Variants in NCAPD3 observed in about 807,000 individuals in gnomAD.
NCAPD3 encodes the protein non-SMC condensin II complex subunit D3, also known as condensin-2 complex subunit D3.
In NCAPD3, 105 loss-of-function variants were observed where a neutral mutation model predicts 182.9. That is an observed-to-expected ratio of 0.57 (90% CI 0.49 to 0.68). The LOEUF is 0.68. Ranked by LOEUF, NCAPD3 falls within the 30% of genes least tolerant of loss-of-function variation. The pLI, the probability that NCAPD3 is intolerant of heterozygous loss-of-function variation, is 0.00. For missense variants in NCAPD3, 1,944 were observed against 1,837.0 expected (o/e 1.06, Z -1.07); for synonymous variants, 815 against 679.9 (o/e 1.20, Z -3.09).
At chr11:134,182,292 T>TG (rs1944314649) in intron 19 of NCAPD3, among the ~76,000 whole-genome samples, 1 of 152,250 alleles carries the variant, frequency 6.6e-6, no homozygotes, top group Admixed American at 6.5e-5. Flanking sequence ...GGACATGCTC[T>TG]GGGGCAAGCC....
chr11:134,208,616 A>AT (rs1223161052), intron 7 of NCAPD3, among the ~76,000 whole-genome samples: 3 of 152,186 alleles, frequency 2.0e-5, no homozygotes, highest in African/African-American at 4.8e-5. Flanking sequence ...CAGCAGAACC[A>AT]TTTTTTCTAA....
chr11:134,197,900 T>C (rs1330006197), intron 13 of NCAPD3, among the ~76,000 whole-genome samples: 1 of 152,154 alleles, frequency 6.6e-6, no homozygotes, highest in African/African-American at 2.4e-5. Flanking sequence ...ATGAAAGTCA[T>C]ACTAAAAACC....
Position 134,159,917 on chromosome 11 carries a change from C to T in NCAPD3, c.3842G>A (p.Gly1281Asp), listed in dbSNP as rs997117122. The T allele has an allele frequency of 1.9e-6, 3 of 1,613,464 alleles. No individual in the cohort carries two copies. Among genetic ancestry groups the T allele is most frequent in the Non-Finnish European group, 1.7e-6 (2 of 1,179,988 alleles). ...CTGTGCCACAGGTGCCACCTCAGCA[C>T]CTCCAGCCGTCCCGGCCACATCTGC... ...KHADVAGTAG[G>D]AEVAPVAQVA... The change falls in exon 29 of 35, where the codon GGT becomes GAT. Residue 1281 changes from glycine to aspartate, a missense_variant. Physicochemically the swap from Gly to Asp is moderately conservative, Grantham distance 94. This residue lies in a region of NCAPD3 where 1,803 missense variants were observed against 1,674.6 expected (regional missense o/e 1.08). Transcript: ENST00000534548.
intron 30 of NCAPD3, 103 bp downstream of exon 30, chr11:134,158,226 C>A (rs1943481331): frequency 2.6e-6 from 4 of 1,542,176 alleles, no homozygotes; most frequent in East Asian, 2.3e-5. Context: ...GCAGGCCAGA[C>A]AATGACAATG....
chr11:134,176,730 C>T (rs1187118458), intron 23 of NCAPD3, among the ~76,000 whole-genome samples: 1 of 152,218 alleles, frequency 6.6e-6, no homozygotes, highest in Non-Finnish European at 1.5e-5. Context: ...ATAGGCCAAA[C>T]ATGGGCTCTC....
chr11:134,202,053 C>G (rs60360721), intron 13 of NCAPD3, among the ~76,000 whole-genome samples: 1 of 152,206 alleles, frequency 6.6e-6, no homozygotes, highest in African/African-American at 2.4e-5. Flanking sequence ...ACCTGTCTCT[C>G]CACTGATCCT....
At chr11:134,158,913 G>C (rs892250204) in intron 29 of NCAPD3, among the ~76,000 whole-genome samples, 5 of 152,256 alleles carry the variant, frequency 3.3e-5, no homozygotes, top group Non-Finnish European at 7.3e-5. Context: ...ATATGAATGA[G>C]AACATACAAT....
At position 134,204,139 on chromosome 11, in the gene NCAPD3, T is replaced by G; in HGVS notation, c.1122A>C (p.Ala374=). 1 of 1,614,044 alleles carries G rather than the reference T, an allele frequency of 6.2e-7. No individual in the cohort carries two copies. Among genetic ancestry groups the G allele is most frequent in the Non-Finnish European group, 8.5e-7 (1 of 1,179,992 alleles). ...VVDKSEYRTF[A]AQSLVQLLSK... ...TGAGCAGCTGGACTAGGGACTGGGCTGCAAAAGTACGATACTCTGATTTAT... is the reference window on the plus strand; with the variant it reads ...TGAGCAGCTGGACTAGGGACTGGGCGGCAAAAGTACGATACTCTGATTTAT... Residue 374 remains alanine (A), a synonymous_variant, in exon 10 of 35, where the codon GCA becomes GCC. Coordinates refer to ENST00000534548, the MANE Select transcript of NCAPD3 (RefSeq NM_015261.3). This position sits in a 1 kb window ranked among gnomAD's most constrained non-coding sequence, Gnocchi z 4.3.
At position 134,152,880 on chromosome 11, in the gene NCAPD3, C is replaced by T. The variant is rs1454292864; in HGVS notation, c.*64G>A. On this transcript the variant is annotated 3_prime_UTR_variant, in exon 35 of 35. Coordinates refer to ENST00000534548, the MANE Select transcript of NCAPD3 (RefSeq NM_015261.3). ...GGGAAGTGATCCAGCTGCCTTCACACGGAGGACACGAGACTGCTTCCTCAA... is the reference window on the plus strand; with the variant it reads ...GGGAAGTGATCCAGCTGCCTTCACATGGAGGACACGAGACTGCTTCCTCAA... 18 of 1,302,886 alleles carry T rather than the reference C, an allele frequency of 1.4e-5. No homozygotes were observed. Among genetic ancestry groups the T allele is most frequent in the East Asian group, 2.3e-5 (1 of 42,898 alleles). The allele number at this position is 1,302,886 out of a possible 1,614,324, so 80.7% of individuals were successfully genotyped here.
At position 134,203,212 on chromosome 11, in the gene NCAPD3, G is replaced by A. The variant is rs1440949699; in HGVS notation, c.1469-14C>T. 3.2e-6 allele frequency: 5 copies of A among 1,564,626 alleles called. No individual in the cohort carries two copies. The South Asian group carries it at 4.5e-5, about 14-fold the overall frequency. On this transcript the variant is annotated splice_polypyrimidine_tract_variant and intron_variant, in intron 11 of 34. Coordinates refer to ENST00000534548, the MANE Select transcript of NCAPD3 (RefSeq NM_015261.3). ...AAAACGTAGGACCTAAAAACAAGAA[G>A]AAAGATAAGAAGGAAGAAGTCAGTA...
intron 24 of NCAPD3, among the ~76,000 whole-genome samples, chr11:134,169,850 T>A (rs1045356500): frequency 1.3e-5 from 2 of 152,230 alleles, no homozygotes; most frequent in African/African-American, 4.8e-5. Context: ...GGTGCAGGAC[T>A]CACTGTGATA....
chr11:134,220,758 C>G (rs745638039), intron 1 of NCAPD3, 32 bp from the exon 2 acceptor site: 2 of 1,580,516 alleles, frequency 1.3e-6, no homozygotes, highest in African/African-American at 2.7e-5. Flanking sequence ...TGTGTAAGTA[C>G]TCTGTAACAA....
intron 19 of NCAPD3, among the ~76,000 whole-genome samples, chr11:134,181,760 C>A (rs138874694): frequency 6.6e-6 from 1 of 152,310 alleles, no homozygotes; most frequent in East Asian, 1.9e-4. Context: ...TCTTGGACCT[C>A]ATTTTCTGTA....
At chr11:134,187,855 C>T (rs1237415713) in intron 16 of NCAPD3, among the ~76,000 whole-genome samples, 1 of 152,186 alleles carries the variant, frequency 6.6e-6, no homozygotes, top group Non-Finnish European at 1.5e-5. Flanking sequence ...AGAACCAGTC[C>T]TGGAAAATGA....
In NCAPD3 at chr11:134,223,260, G is replaced by A; in HGVS notation, c.64+603C>T. On this transcript the variant is annotated intron_variant, in intron 1 of 34. Transcript: ENST00000534548. ...ATCAGAAAGCAGCTAAAATACTCCTGCAATTGCTCGAGGCTATGATGAAGG... is the reference window on the plus strand; with the variant it reads ...ATCAGAAAGCAGCTAAAATACTCCTACAATTGCTCGAGGCTATGATGAAGG... 3 of 591,146 alleles carry A rather than the reference G, an allele frequency of 5.1e-6. No homozygotes were observed. The East Asian group carries it at 8.3e-5, about 16-fold the overall frequency. 36.6% of individuals were successfully genotyped at this position (591,146 alleles called of 1,614,324 possible).
intron 27 of NCAPD3, among the ~76,000 whole-genome samples, chr11:134,164,938 G>C (rs1021983295): frequency 2.0e-5 from 3 of 149,778 alleles, no homozygotes; most frequent in Non-Finnish European, 4.4e-5. Flanking sequence ...CTTAGGGGGA[G>C]GGGCACACTC....
rs372818194 is a variant in NCAPD3 at position 134,153,356 on chromosome 11, G to T, written c.4260C>A (p.Ile1420=). 15 of 1,614,036 alleles carry T rather than the reference G, an allele frequency of 9.3e-6. No homozygotes were observed. Among genetic ancestry groups the T allele is most frequent in the Non-Finnish European group, 1.2e-5 (14 of 1,180,024 alleles). Reference sequence around the variant, plus strand: ...CCCCTGCTCCAAACGTGACATCACTGATGCTCTCTGCATAAAGAGGAGACA... The same window carrying T: ...CCCCTGCTCCAAACGTGACATCACTTATGCTCTCTGCATAAAGAGGAGACA... ...KRAISTPEKS[I]SDVTFGAGVS... is the part of the protein sequence containing the mutation. Residue 1420 remains isoleucine (I), a synonymous_variant, in exon 33 of 35, where the codon ATC becomes ATA. Coordinates refer to ENST00000534548, the MANE Select transcript of NCAPD3 (RefSeq NM_015261.3).
At chr11:134,177,524 C>A in intron 22 of NCAPD3, 67 bp from the exon 23 acceptor site, 1 of 1,400,090 alleles carries the variant, frequency 7.1e-7, no homozygotes, top group Non-Finnish European at 1.0e-6. Context: ...TAAATTTTCT[C>A]CAGATACATC....
At chr11:134,161,206 T>C (rs118169488) in intron 28 of NCAPD3, among the ~76,000 whole-genome samples, 1 of 152,278 alleles carries the variant, frequency 6.6e-6, no homozygotes, top group Non-Finnish European at 1.5e-5. Flanking sequence ...ATGTTGCATT[T>C]ATTTCTTAGT....
Sources: allele counts gnomAD v4.1 joint callset (sites outside exome capture counted in the v4.1 genomes callset), GRCh38; gene constraint gnomAD v4.1.1; regional missense constraint gnomAD v4.1.1; non-coding constraint Gnocchi (gnomAD v3.1); transcripts MANE v1.5; gene names NCBI Gene and HGNC (gene_info 2026-07-23, HGNC 2026-07-21).